The following D2HGDH variants were observed in gnomAD, a reference collection of about 807,000 sequenced individuals.
D2HGDH encodes the protein D-2-hydroxyglutarate dehydrogenase.
Under a neutral mutation model 46.9 loss-of-function variants are expected in D2HGDH, and 31 were observed. The observed-to-expected ratio is 0.66, with a 90% confidence interval of 0.50 to 0.89. The LOEUF (loss-of-function observed/expected upper bound fraction) is 0.89, where lower values mean the gene tolerates loss of function less well. Ranked by LOEUF, D2HGDH falls within the 40% of genes least tolerant of loss-of-function variation. D2HGDH has a pLI of 0.00. For synonymous variants in D2HGDH, 364 were observed against 332.6 expected (o/e 1.09, Z -1.03); for missense variants, 698 against 720.8 (o/e 0.97, Z 0.36).
chr2:241,739,143 A>G (rs1281517987), intron 2 of D2HGDH, among the ~76,000 whole-genome samples: 4 of 152,074 alleles, frequency 2.6e-5, no homozygotes, highest in Non-Finnish European at 4.4e-5. Context: ...CATCGTTAAC[A>G]CTGGACCACC....
chr2:241,761,993 C>G (rs1219568473), intron 9 of D2HGDH, among the ~76,000 whole-genome samples: 1 of 151,908 alleles, frequency 6.6e-6, no homozygotes, highest in Non-Finnish European at 1.5e-5. Context: ...GCGGAGACAG[C>G]CTCAGTTCAG....
rs773362564 is a variant in D2HGDH at position 241,759,516 on chromosome 2, G to A, written c.1306+3502G>A. On this transcript the variant is annotated intron_variant, in intron 9 of 9. Transcript: ENST00000321264. ...TTGCCTGATGTGTTGTTTTTCCTCCGGTTAGCTTCAGCTTTTCCATCCTTA... is the reference window on the plus strand; with the variant it reads ...TTGCCTGATGTGTTGTTTTTCCTCCAGTTAGCTTCAGCTTTTCCATCCTTA... Among the ~76,000 whole-genome samples, 6 of 152,072 alleles carry A rather than the reference G, an allele frequency of 3.9e-5. No individual in the cohort carries two copies. The South Asian group carries it at 8.3e-4, about 21-fold the overall frequency.
In D2HGDH at chr2:241,742,331, G is replaced by A; in HGVS notation, c.351-104G>A. 1.4e-6 allele frequency: 2 copies of A among 1,440,314 alleles called. No individual in the cohort carries two copies. Among genetic ancestry groups the A allele is most frequent in the Non-Finnish European group, 1.9e-6 (2 of 1,065,928 alleles). The allele number at this position is 1,440,314 out of a possible 1,614,324, so 89.2% of individuals were successfully genotyped here. ...CCGCTGAGGCTGCAGGCAGGGCAGGGTAATCAGGATTTGGAGTCAGGCACT... is the reference window on the plus strand; with the variant it reads ...CCGCTGAGGCTGCAGGCAGGGCAGGATAATCAGGATTTGGAGTCAGGCACT... On this transcript the variant is annotated intron_variant, in intron 3 of 9. Transcript: ENST00000321264. This position sits in a 1 kb window ranked among gnomAD's most constrained non-coding sequence, Gnocchi z 4.8.
At chr2:241,750,392 C>A in intron 7 of D2HGDH, 98 bp downstream of exon 7, 1 of 962,686 alleles carries the variant, frequency 1.0e-6, no homozygotes, top group Non-Finnish European at 1.4e-6. Context: ...GCGGGGGGTG[C>A]CCGGGCGGGC....
intron 2 of D2HGDH, 104 bp downstream of exon 2, chr2:241,735,620 A>G: frequency 6.7e-7 from 1 of 1,495,888 alleles, no homozygotes; most frequent in Non-Finnish European, 9.0e-7. Flanking sequence ...TGGGGGTGCC[A>G]GCCCCTGGCT....
intron 9 of D2HGDH, among the ~76,000 whole-genome samples, chr2:241,761,236 T>C (rs371134767): frequency 2.0e-5 from 3 of 151,966 alleles, no homozygotes; most frequent in African/African-American, 7.2e-5. Flanking sequence ...AATCTAGAGG[T>C]GATTTAAAGT....
chr2:241,748,627 C>T (rs1180541649), intron 6 of D2HGDH, among the ~76,000 whole-genome samples: 1 of 152,232 alleles, frequency 6.6e-6, no homozygotes, highest in Non-Finnish European at 1.5e-5. Flanking sequence ...GTTCTCATTG[C>T]CCCTCTCGCC....
intron 9 of D2HGDH, among the ~76,000 whole-genome samples, chr2:241,758,767 ATATGTGTG>A (rs1193343434): frequency 2.5e-4 from 27 of 106,226 alleles, no homozygotes; most frequent in African/African-American, 6.0e-4. Flanking sequence ...GCCCCACAAT[ATATGTGTG>A]TGTGTGTGTG....
At position 241,750,168 on chromosome 2, in the gene D2HGDH, G is replaced by A; in HGVS notation, c.871G>A (p.Glu291Lys). ...CGTTTCAGGCTGCCCAGGCTTTGCT[G>A]AGGTTCTGCAGACCTTCAGCACCTG... ...VAFLGCPGFA[E>K]VLQTFSTCKG... is the part of the protein sequence containing the mutation. The change falls in exon 7 of 10, where the codon GAG becomes AAG. Residue 291 changes from glutamate to lysine, a missense_variant. Coordinates refer to ENST00000321264, the MANE Select transcript of D2HGDH (RefSeq NM_152783.5). 1 of 1,614,080 alleles carries A rather than the reference G, an allele frequency of 6.2e-7. No homozygotes were observed. The highest frequency in any genetic ancestry group is 8.5e-7 in the Non-Finnish European group (1 of 1,180,016).
intron 9 of D2HGDH, among the ~76,000 whole-genome samples, chr2:241,764,459 G>A (rs1325076440): frequency 2.0e-5 from 3 of 152,224 alleles, no homozygotes; most frequent in East Asian, 1.9e-4. Context: ...TCAACAAACA[G>A]TCAAATTTTA....
intron 9 of D2HGDH, among the ~76,000 whole-genome samples, chr2:241,764,257 C>T (rs1270473800): frequency 3.9e-5 from 6 of 152,230 alleles, no homozygotes; most frequent in South Asian, 4.2e-4. Flanking sequence ...GGTTTGTTCT[C>T]GTAGGGGTGG....
chr2:241,762,298 C>T (rs1698902432), intron 9 of D2HGDH, among the ~76,000 whole-genome samples: 1 of 152,164 alleles, frequency 6.6e-6, no homozygotes, highest in Non-Finnish European at 1.5e-5. Flanking sequence ...TCTCGAACTC[C>T]TGACCTCGTG....
chr2:241,744,232 G>T (rs997406978), intron 5 of D2HGDH, among the ~76,000 whole-genome samples: 3 of 152,252 alleles, frequency 2.0e-5, no homozygotes, highest in African/African-American at 7.2e-5. Context: ...TCTCTGTCCT[G>T]TTTACCCAAG....
At position 241,755,897 on chromosome 2, in the gene D2HGDH, G is replaced by C; in HGVS notation, c.1189G>C (p.Gly397Arg). 1 of 1,613,224 alleles carries C rather than the reference G, an allele frequency of 6.2e-7. No individual in the cohort carries two copies. Among genetic ancestry groups the C allele is most frequent in the Non-Finnish European group, 8.5e-7 (1 of 1,179,676 alleles). Reference protein sequence around the residue: ...ERITEALSRDGYVYKYDLSLP... With the variant: ...ERITEALSRDRYVYKYDLSLP... ...GATCACAGAGGCGCTGAGCCGGGAT[G>C]GCTACGTGTACAAGTACGACCTCTC... The change falls in exon 9 of 10, where the codon GGC (glycine) becomes CGC (arginine). Residue 397 changes from glycine (G) to arginine (R), a missense_variant. Coordinates refer to ENST00000321264, the MANE Select transcript of D2HGDH (RefSeq NM_152783.5).
chr2:241,738,415 G>A (rs1267028058), intron 2 of D2HGDH, among the ~76,000 whole-genome samples: 1 of 152,268 alleles, frequency 6.6e-6, no homozygotes, highest in Non-Finnish European at 1.5e-5. Flanking sequence ...ACACCGTGCG[G>A]GTAAGTGGGG....
intron 9 of D2HGDH, among the ~76,000 whole-genome samples, chr2:241,761,740 A>C (rs113121721): frequency 2.6e-5 from 4 of 151,984 alleles, no homozygotes; most frequent in African/African-American, 7.3e-5. Flanking sequence ...CCCTGTCACC[A>C]TGTCACCATC....
In D2HGDH at chr2:241,755,309, G is replaced by A. The variant is rs370865582; in HGVS notation, c.1141-540G>A. The A allele has an allele frequency of 1.7e-4, 225 of 1,296,402 alleles. No homozygotes were observed. In the African/African-American group the frequency reaches 3.2e-3, roughly 19 times the overall value. The allele number at this position is 1,296,402 out of a possible 1,614,324, so 80.3% of individuals were successfully genotyped here. Reference sequence around the variant, plus strand: ...CATGTCCCTGCCTCCCACCCGACATGCCCCTTGAGCTGCCTGGGCCCTGCT... The same window carrying A: ...CATGTCCCTGCCTCCCACCCGACATACCCCTTGAGCTGCCTGGGCCCTGCT... On this transcript the variant is annotated intron_variant, in intron 8 of 9. Transcript: ENST00000321264.
At chr2:241,740,956 C>T (rs571233809) in intron 2 of D2HGDH, 77 bp from the exon 3 acceptor site, 12 of 1,256,352 alleles carry the variant, frequency 9.6e-6, no homozygotes, top group Admixed American at 5.5e-5. Flanking sequence ...AAAAAACTCG[C>T]TCTCTGGGGC....
At chr2:241,758,756 C>T (rs896421009) in intron 9 of D2HGDH, among the ~76,000 whole-genome samples, 49 of 137,656 alleles carry the variant, frequency 3.6e-4, no homozygotes, top group African/African-American at 1.3e-3. Flanking sequence ...TACCGCCCCC[C>T]GCCCCACAAT....
Sources: allele counts gnomAD v4.1 joint callset (sites outside exome capture counted in the v4.1 genomes callset), GRCh38; gene constraint gnomAD v4.1.1; non-coding constraint Gnocchi (gnomAD v3.1); transcripts MANE v1.5; gene names NCBI Gene and HGNC (gene_info 2026-07-23, HGNC 2026-07-21).